Variants in TENM1 observed in about 807,000 individuals in gnomAD.
TENM1 encodes teneurin transmembrane protein 1, also known as teneurin-1.
TENM1 carries 35 observed loss-of-function variants against 174.8 expected under a neutral mutation model. The ratio of observed to expected loss-of-function variants is 0.20; its 90% CI spans 0.15 to 0.27. TENM1 has a LOEUF of 0.27. Ranked by LOEUF, TENM1 falls within the 10% of genes least tolerant of loss-of-function variation. The probability of loss-of-function intolerance (pLI) is 1.00; values close to 1 mark genes in which losing one functional copy is unlikely to be tolerated. For missense variants in TENM1, 1,633 were observed against 2,130.1 expected (o/e 0.77, Z 4.59); for synonymous variants, 781 against 798.7 (o/e 0.98, Z 0.37).
intron 1 of TENM1, among the ~76,000 whole-genome samples, chrX:124,929,226 T>C (rs887524311): frequency 2.7e-5 from 3 of 111,741 alleles, no homozygotes; most frequent in African/African-American, 9.8e-5. Context: ...TCTAACATCC[T>C]AAAATACTCA....
chrX:125,070,544 A>C, the TENM1 span, among the ~76,000 whole-genome samples: 1 of 111,506 alleles, frequency 9.0e-6, no homozygotes, highest in Non-Finnish European at 1.9e-5. Flanking sequence ...CTGGAGAACA[A>C]GTTTACTTGT....
the TENM1 span, among the ~76,000 whole-genome samples, chrX:125,129,173 T>C: frequency 0.013 from 1,470 of 111,922 alleles, 28 homozygotes; most frequent in African/African-American, 0.044. Flanking sequence ...GGAAACTTGA[T>C]CTCAGACGTC....
At chrX:124,567,912 A>G (rs1409291828) in intron 11 of TENM1, among the ~76,000 whole-genome samples, 2 of 112,000 alleles carry the variant, frequency 1.8e-5, no homozygotes, top group Non-Finnish European at 3.8e-5. Flanking sequence ...AGCTCTGCCT[A>G]GAATAGTTAG....
At chrX:124,870,880 T>C (rs1293151675) in intron 3 of TENM1, among the ~76,000 whole-genome samples, 1 of 111,863 alleles carries the variant, frequency 8.9e-6, no homozygotes, top group Non-Finnish European at 1.9e-5. Context: ...TGACACATTA[T>C]AATTGCATGT....
intron 23 of TENM1, among the ~76,000 whole-genome samples, chrX:124,444,852 C>G (rs781198640): frequency 4.5e-5 from 5 of 110,997 alleles, no homozygotes; most frequent in Admixed American, 9.6e-5. Context: ...GGGAATGTGA[C>G]TTAAGAGGCA....
At chrX:124,873,040 T>C (rs891935265) in intron 3 of TENM1, among the ~76,000 whole-genome samples, 13 of 111,685 alleles carry the variant, frequency 1.2e-4, no homozygotes, top group Non-Finnish European at 2.1e-4. Context: ...TTATGTTAAA[T>C]TTAAAATTTA....
intron 3 of TENM1, among the ~76,000 whole-genome samples, chrX:124,755,002 G>A (rs1179292827): frequency 9.8e-6 from 1 of 102,268 alleles, no homozygotes; most frequent in African/African-American, 4.0e-5. Context: ...TGTCTATTAG[G>A]TCCGCTTGGT....
At chrX:125,027,616 T>C in the TENM1 span, among the ~76,000 whole-genome samples, 2,065 of 90,558 alleles carry the variant, frequency 0.023, 44 homozygotes, top group African/African-American at 0.1. Context: ...TTTTTCTTTT[T>C]TTTTTTTTTT....
Position 124,956,406 on chromosome X carries a change from T to C in TENM1, c.217+7131A>G, listed in dbSNP as rs182535197. ...CTCTAATTGATTGACAATGCTTGCG[T>C]GAAATGCCATTTTGAAAGGGATGTG... On this transcript the variant is annotated intron_variant, in intron 1 of 31. Coordinates refer to ENST00000422452, the Ensembl canonical transcript of TENM1. Among the ~76,000 whole-genome samples, 9 of 112,121 alleles carry C rather than the reference T, an allele frequency of 8.0e-5. No individual in the cohort carries two copies. The East Asian group carries it at 2.5e-3, about 32-fold the overall frequency.
At chrX:125,020,627 T>A in the TENM1 span, among the ~76,000 whole-genome samples, 2 of 110,462 alleles carry the variant, frequency 1.8e-5, no homozygotes, top group Admixed American at 1.9e-4. Flanking sequence ...AGAGGAATTC[T>A]GAAGAATTGA....
At chrX:125,172,769 C>G in the TENM1 span, among the ~76,000 whole-genome samples, 1 of 111,196 alleles carries the variant, frequency 9.0e-6, no homozygotes, top group African/African-American at 3.3e-5. Context: ...TATAGTTAAG[C>G]TTATTTTATG....
rs761234783 is a variant in TENM1, at chrX:124,549,828, A to G, written c.2435-2738T>C. Reference sequence around the variant, plus strand: ...CAATTATCACATTGACTAACACCCCATATAGTACGTCTAGACTGTTGCAAA... The same window carrying G: ...CAATTATCACATTGACTAACACCCCGTATAGTACGTCTAGACTGTTGCAAA... On this transcript the variant is annotated intron_variant, in intron 14 of 31. Coordinates refer to ENST00000422452, the Ensembl canonical transcript of TENM1. Among the ~76,000 whole-genome samples the G allele has an allele frequency of 2.7e-5, 3 of 111,022 alleles. No homozygotes were observed. In the East Asian group the frequency reaches 8.5e-4, roughly 31 times the overall value.
chrX:124,405,331 A>G, intron 26 of TENM1, 65 bp from the exon 30 acceptor site: 2 of 992,183 alleles, frequency 2.0e-6, no homozygotes, highest in Non-Finnish European at 2.8e-6. Flanking sequence ...CAGAAAAGAG[A>G]CAGGTTTAGT....
At position 124,741,886 on chromosome X, in the gene TENM1, C is replaced by T. The variant is rs953117203; in HGVS notation, c.536-4689G>A. On this transcript the variant is annotated intron_variant, in intron 3 of 31. Transcript: ENST00000422452. ...CTAGTGCTTTTAACAGATGGAATTG[C>T]GCATATGCAAACGCAAAATTTGTCT... Among the ~76,000 whole-genome samples, 11 of 112,092 alleles carry T rather than the reference C, an allele frequency of 9.8e-5. No individual in the cohort carries two copies. In the South Asian group the frequency reaches 3.3e-3, roughly 34 times the overall value.
intron 10 of TENM1, among the ~76,000 whole-genome samples, chrX:124,644,158 TG>T (rs1184174394): frequency 1.0e-5 from 1 of 99,789 alleles, no homozygotes; most frequent in East Asian, 3.0e-4. Context: ...TATATATATA[TG>T]GCATATATGG....
chrX:124,891,709 C>T (rs1309871027), intron 3 of TENM1, among the ~76,000 whole-genome samples: 1 of 109,786 alleles, frequency 9.1e-6, no homozygotes, highest in African/African-American at 3.3e-5. Context: ...ATTATGTACC[C>T]ATAACTAAAG....
chrX:124,685,371 A>G (rs2052336068), intron 5 of TENM1, among the ~76,000 whole-genome samples: 1 of 111,204 alleles, frequency 9.0e-6, no homozygotes, highest in African/African-American at 3.3e-5. Context: ...CCATAAAAAA[A>G]AATCCAGAGC....
the TENM1 span, among the ~76,000 whole-genome samples, chrX:124,984,862 A>T: frequency 1.8e-5 from 2 of 112,115 alleles, no homozygotes; most frequent in Non-Finnish European, 3.8e-5. Context: ...TTCCTCTAAT[A>T]GGTTTCACTG....
chrX:124,808,109 T>C (rs2055662052), intron 3 of TENM1, among the ~76,000 whole-genome samples: 1 of 111,574 alleles, frequency 9.0e-6, no homozygotes, highest in East Asian at 2.8e-4. Context: ...TAAGGACACA[T>C]ATAGACTGAA....
Sources: gnomAD v4.1 joint callset for allele counts (sites outside exome capture counted in the v4.1 genomes callset) on GRCh38, gnomAD v4.1.1 for gene constraint, MANE v1.5 for transcripts, NCBI Gene and HGNC (gene_info 2026-07-23, HGNC 2026-07-21) for gene names.